The following SCNN1B variants were observed in gnomAD, a reference collection of about 807,000 sequenced individuals.
The protein encoded by SCNN1B is sodium channel epithelial 1 subunit beta, also known as epithelial sodium channel subunit beta.
SCNN1B carries 46 observed loss-of-function variants against 65.3 expected under a neutral mutation model. The ratio of observed to expected loss-of-function variants is 0.70; its 90% CI spans 0.56 to 0.90. The LOEUF (loss-of-function observed/expected upper bound fraction) is 0.90. Among genes scored for constraint, SCNN1B ranks in the 40% least tolerant of loss-of-function variants. The probability of loss-of-function intolerance (pLI) is 0.00; values close to 1 mark genes in which losing one functional copy is unlikely to be tolerated. For missense variants in SCNN1B, 751 were observed against 830.5 expected (o/e 0.90, Z 1.18); for synonymous variants, 349 against 330.6 (o/e 1.06, Z -0.60).
At chr16:23,379,434 G>C (rs1346564692) in intron 11 of SCNN1B, among the ~76,000 whole-genome samples, 1 of 152,140 alleles carries the variant, frequency 6.6e-6, no homozygotes, top group African/African-American at 2.4e-5. Context: ...GAGAGATAAG[G>C]GAGGTCTGCG....
chr16:23,339,945 T>G (rs1962021204), intron 1 of SCNN1B, among the ~76,000 whole-genome samples: 1 of 152,134 alleles, frequency 6.6e-6, no homozygotes, highest in Non-Finnish European at 1.5e-5. Context: ...GTAGGAGAAT[T>G]CCGGTTGCTA....
intron 1 of SCNN1B, among the ~76,000 whole-genome samples, chr16:23,318,709 G>A (rs1258503035): frequency 6.6e-6 from 1 of 152,250 alleles, no homozygotes; most frequent in Non-Finnish European, 1.5e-5. Flanking sequence ...ATGAGATCAT[G>A]TGAGTAAAGC....
chr16:23,307,218 C>T (rs1213482090), intron 1 of SCNN1B, among the ~76,000 whole-genome samples: 1 of 151,826 alleles, frequency 6.6e-6, no homozygotes, highest in Admixed American at 6.6e-5. Flanking sequence ...AGAGTGAATG[C>T]ACTGCACAGT....
chr16:23,326,590 G>A (rs374711434), intron 1 of SCNN1B, among the ~76,000 whole-genome samples: 4 of 151,750 alleles, frequency 2.6e-5, no homozygotes, highest in African/African-American at 7.3e-5. Context: ...TTAGCCTCCC[G>A]AGTAGCTGGG....
At chr16:23,329,928 A>G (rs1002295143) in intron 1 of SCNN1B, among the ~76,000 whole-genome samples, 1 of 151,966 alleles carries the variant, frequency 6.6e-6, no homozygotes, top group Non-Finnish European at 1.5e-5. Flanking sequence ...TGGGAGACTG[A>G]GGCGGGAGAA....
rs1962396120 is a variant in SCNN1B, at chr16:23,355,343, T to G, written c.630T>G (p.Ser210Arg). The G allele has an allele frequency of 1.9e-6, 3 of 1,614,030 alleles. No individual in the cohort carries two copies. The highest frequency in any genetic ancestry group is 2.5e-6 in the Non-Finnish European group (3 of 1,180,030). Residue 210 changes from serine to arginine, a missense_variant, in exon 4 of 13, where the codon AGT (serine) becomes AGG (arginine). By Grantham distance (110) the Ser-to-Arg change is moderately radical. Coordinates refer to ENST00000343070, the MANE Select transcript of SCNN1B (RefSeq NM_000336.3). ...AGTGTACCTTCCGGAACTTCACCAGTGCTACCCAGGCATTGACAGAGTGGT... is the reference window on the plus strand; with the variant it reads ...AGTGTACCTTCCGGAACTTCACCAGGGCTACCCAGGCATTGACAGAGTGGT... ...RTQCTFRNFTSATQALTEWYI... is the reference protein window; with the variant it reads ...RTQCTFRNFTRATQALTEWYI...
chr16:23,281,143 A>G (rs1960778125), intron 1 of SCNN1B, among the ~76,000 whole-genome samples: 2 of 152,162 alleles, frequency 1.3e-5, no homozygotes, highest in South Asian at 4.1e-4. Flanking sequence ...AAAGATTTTT[A>G]TTAAGATTAA....
At chr16:23,305,472 C>T (rs1294884250) in intron 1 of SCNN1B, among the ~76,000 whole-genome samples, 3 of 134,860 alleles carry the variant, frequency 2.2e-5, no homozygotes, top group Non-Finnish European at 4.7e-5. Context: ...GTTGCTTGAG[C>T]TTAGGAGATC....
intron 1 of SCNN1B, among the ~76,000 whole-genome samples, chr16:23,332,736 C>T (rs1596843924): frequency 6.6e-6 from 1 of 152,184 alleles, no homozygotes; most frequent in Non-Finnish European, 1.5e-5. Flanking sequence ...TGGAGTGACC[C>T]CAGCCTCACG....
At chr16:23,289,335 G>T (rs1203164175) in intron 2 of SCNN1B, among the ~76,000 whole-genome samples, 1 of 152,186 alleles carries the variant, frequency 6.6e-6, no homozygotes, top group Non-Finnish European at 1.5e-5. Context: ...CAGGAGGATT[G>T]CATGAGGCCA....
chr16:23,295,891 G>A (rs1960990247), intron 2 of SCNN1B, among the ~76,000 whole-genome samples: 1 of 152,134 alleles, frequency 6.6e-6, no homozygotes, highest in Non-Finnish European at 1.5e-5. Context: ...CCCAGGTCAA[G>A]GCCCTAGGAG....
At chr16:23,297,944 T>C (rs1056947003), upstream of SCNN1B, among the ~76,000 whole-genome samples, 2 of 152,194 alleles carry the variant, frequency 1.3e-5, no homozygotes, top group African/African-American at 4.8e-5. Flanking sequence ...ATATTCACCT[T>C]GTCTTCTATG....
At chr16:23,353,955 C>T (rs1315030753) in intron 3 of SCNN1B, among the ~76,000 whole-genome samples, 2 of 152,172 alleles carry the variant, frequency 1.3e-5, no homozygotes, top group African/African-American at 2.4e-5. Flanking sequence ...GGGCCCAGGC[C>T]CAGGAATCTG....
intron 2 of SCNN1B, among the ~76,000 whole-genome samples, chr16:23,286,350 G>T (rs1483713573): frequency 6.6e-6 from 1 of 152,234 alleles, no homozygotes; most frequent in Non-Finnish European, 1.5e-5. Flanking sequence ...CCGCCTCCTG[G>T]GTTCCTGTGA....
At chr16:23,371,546 G>A (rs1182868266) in intron 6 of SCNN1B, 84 bp downstream of exon 6, 7 of 1,406,920 alleles carry the variant, frequency 5.0e-6, no homozygotes, top group East Asian at 4.7e-5. Flanking sequence ...TGGCCTGGGA[G>A]GAGGGGATCT....
intron 2 of SCNN1B, among the ~76,000 whole-genome samples, chr16:23,284,953 C>A (rs190509493): frequency 2.6e-5 from 4 of 152,116 alleles, no homozygotes; most frequent in African/African-American, 7.2e-5. Flanking sequence ...AAAGACTATG[C>A]GAGTTCATGG....
chr16:23,375,397 C>G (rs969353523), intron 7 of SCNN1B, among the ~76,000 whole-genome samples: 1 of 152,008 alleles, frequency 6.6e-6, no homozygotes, highest in African/African-American at 2.4e-5. Context: ...ATAATGAGAG[C>G]TCTCTGAGCA....
At chr16:23,323,927 C>T (rs1052420233) in intron 1 of SCNN1B, among the ~76,000 whole-genome samples, 2 of 152,174 alleles carry the variant, frequency 1.3e-5, no homozygotes, top group African/African-American at 4.8e-5. Flanking sequence ...CAACCACCTA[C>T]ACATTTCATC....
chr16:23,308,861 C>G (rs967531318), intron 1 of SCNN1B, among the ~76,000 whole-genome samples: 1 of 152,140 alleles, frequency 6.6e-6, no homozygotes, highest in Admixed American at 6.5e-5. Flanking sequence ...CGTCGGCCTC[C>G]CAAAGTGCTG....
Sources: allele counts gnomAD v4.1 joint callset (sites outside exome capture counted in the v4.1 genomes callset), GRCh38; gene constraint gnomAD v4.1.1; transcripts MANE v1.5; gene names NCBI Gene and HGNC (gene_info 2026-07-23, HGNC 2026-07-21).